The following RPS6KA3 variants were observed in gnomAD, a reference collection of about 807,000 sequenced individuals.
RPS6KA3 encodes ribosomal protein S6 kinase alpha-3.
Under a neutral mutation model 67.2 loss-of-function variants are expected in RPS6KA3, and 4 were observed. The observed-to-expected ratio is 0.06, with a 90% CI of 0.03 to 0.14. RPS6KA3 has a LOEUF of 0.14. Ranked by LOEUF, RPS6KA3 falls within the 10% of genes least tolerant of loss-of-function variation. RPS6KA3 has a pLI of 1.00. For missense variants in RPS6KA3, 204 were observed against 559.0 expected (o/e 0.36, Z 6.40); for synonymous variants, 182 against 183.7 (o/e 0.99, Z 0.07).
intron 4 of RPS6KA3, among the ~76,000 whole-genome samples, chrX:20,199,388 A>C (rs969592126): frequency 9.8e-5 from 11 of 111,835 alleles, no homozygotes; most frequent in Non-Finnish European, 1.9e-4. Context: ...ATAATTGAAA[A>C]ATGTTTTAAT....
chrX:20,248,663 CT>C (rs1208452421), intron 1 of RPS6KA3, among the ~76,000 whole-genome samples: 9 of 111,074 alleles, frequency 8.1e-5, no homozygotes, highest in African/African-American at 2.3e-4. Flanking sequence ...TTTGTATAAA[CT>C]TTTTTTCTTA....
At chrX:20,200,678 C>A (rs1435354352) in intron 4 of RPS6KA3, among the ~76,000 whole-genome samples, 1 of 111,196 alleles carries the variant, frequency 9.0e-6, no homozygotes, top group Non-Finnish European at 1.9e-5. Flanking sequence ...TAACGTTTCT[C>A]TATTTTTCCT....
At chrX:20,211,888 G>C (rs185180352) in intron 2 of RPS6KA3, among the ~76,000 whole-genome samples, 12 of 112,114 alleles carry the variant, frequency 1.1e-4, no homozygotes, top group African/African-American at 3.6e-4. Context: ...ATTTTGTAAT[G>C]TTATATATTT....
chrX:20,215,766 G>A (rs2068834757), intron 2 of RPS6KA3, among the ~76,000 whole-genome samples: 1 of 112,064 alleles, frequency 8.9e-6, no homozygotes, highest in East Asian at 2.8e-4. Context: ...GGAATCTAAT[G>A]AGATGGATGC....
chrX:20,263,226 G>A (rs1353822530), intron 1 of RPS6KA3, among the ~76,000 whole-genome samples: 1 of 111,484 alleles, frequency 9.0e-6, no homozygotes, highest in Non-Finnish European at 1.9e-5. Context: ...CTCTATTGCA[G>A]TGGAGAAAAA....
chrX:20,214,034 T>C (rs995259417), intron 2 of RPS6KA3, among the ~76,000 whole-genome samples: 1 of 112,055 alleles, frequency 8.9e-6, no homozygotes, highest in Non-Finnish European at 1.9e-5. Context: ...CATGCACTTT[T>C]CTATTTTTTC....
In RPS6KA3 at chrX:20,175,172, T is replaced by C. The variant is rs144961960; in HGVS notation, c.1219A>G (p.Ile407Val). The change falls in exon 14 of 22, where the codon ATT becomes GTT. Residue 407 changes from isoleucine to valine, a missense_variant. By Grantham distance (29) the Ile-to-Val change is conservative. Around this residue, in one of 4 missense-constraint regions of RPS6KA3, gnomAD observed 24 missense variants for 25.1 expected, o/e 0.96. Coordinates refer to ENST00000379565, the MANE Select transcript of RPS6KA3 (RefSeq NM_004586.3). ...QAMQTVGVHS[I>V]VQQLHRNSIQ... ...TTTAGACATCCACTCACCTGAACAATTGAATGTACACCAACTGTCTGCATA... is the reference window on the plus strand; with the variant it reads ...TTTAGACATCCACTCACCTGAACAACTGAATGTACACCAACTGTCTGCATA... 3.4e-5 allele frequency: 41 copies of C among 1,205,361 alleles called. No homozygotes were observed. The African/African-American group carries it at 4.2e-4, about 12-fold the overall frequency.
intron 1 of RPS6KA3, chrX:20,235,574 G>A (rs2069386148): frequency 9.0e-6 from 1 of 111,158 alleles, no homozygotes; most frequent in Non-Finnish European, 1.9e-5. Context: ...TCAAAGAAAT[G>A]CATTTAACCC....
chrX:20,164,654 G>A (rs1041797595), intron 18 of RPS6KA3, among the ~76,000 whole-genome samples: 1 of 110,663 alleles, frequency 9.0e-6, no homozygotes, highest in South Asian at 3.8e-4. Context: ...CAAAGTGCTC[G>A]GATTACAGGC....
chrX:20,260,813 T>C (rs956332370), intron 1 of RPS6KA3, among the ~76,000 whole-genome samples: 1 of 111,620 alleles, frequency 9.0e-6, no homozygotes, highest in Admixed American at 9.5e-5. Flanking sequence ...TTTTACAAAT[T>C]AGGATGTTGA....
At position 20,151,580 on chromosome X, in the gene RPS6KA3, A is replaced by G. The variant is rs944630240; in HGVS notation, c.*3818T>C. Reference sequence around the variant, plus strand: ...AGCCATGGAATCCATCATATTTGTTAATCTGAGAAAACAGACCTTTTCTGA... The same window carrying G: ...AGCCATGGAATCCATCATATTTGTTGATCTGAGAAAACAGACCTTTTCTGA... On this transcript the variant is annotated 3_prime_UTR_variant, in exon 22 of 22. Coordinates refer to ENST00000379565, the MANE Select transcript of RPS6KA3 (RefSeq NM_004586.3). 8.0e-5 allele frequency: 9 copies of G among 112,426 alleles called. No individual in the cohort carries two copies. Among genetic ancestry groups the G allele is most frequent in the African/African-American group, 2.9e-4 (9 of 30,850 alleles). 9.3% of individuals were successfully genotyped at this position (112,426 alleles called of 1,213,427 possible).
intron 7 of RPS6KA3, 50 bp from the exon 8 acceptor site, chrX:20,188,584 GAAGCT>G: frequency 1.5e-6 from 1 of 656,821 alleles, no homozygotes; most frequent in East Asian, 3.4e-5. Flanking sequence ...GAGATTTATA[GAAGCT>G]AAGACTGAAA....
At position 20,186,372 on chromosome X, in the gene RPS6KA3, G is replaced by A. The variant is rs780335873; in HGVS notation, c.775-6C>T. 4.5e-6 allele frequency: 5 copies of A among 1,118,644 alleles called. No individual in the cohort carries two copies. Among genetic ancestry groups the A allele is most frequent in the South Asian group, 3.7e-5 (2 of 54,712 alleles). 92.2% of individuals were successfully genotyped at this position (1,118,644 alleles called of 1,213,427 possible). The stretch of plus-strand genomic sequence containing the variant: ...GTACCAGTAAGCATTTCAAACTACA[G>A]AAAGGCAAAATAATCAGAAGTGTTA... On this transcript the variant is annotated splice_region_variant and splice_polypyrimidine_tract_variant and intron_variant, in intron 9 of 21. Transcript: ENST00000379565.
chrX:20,205,548 G>T (rs765837321), intron 3 of RPS6KA3, among the ~76,000 whole-genome samples: 18 of 112,198 alleles, frequency 1.6e-4, no homozygotes, highest in Admixed American at 2.8e-4. Context: ...TACAGGGTGT[G>T]TTGCTCTCCA....
chrX:20,178,501 T>TTTTTTTA (rs2067758535), intron 10 of RPS6KA3, among the ~76,000 whole-genome samples: 1 of 99,374 alleles, frequency 1.0e-5, no homozygotes, highest in African/African-American at 4.0e-5. Context: ...TTTTTTTTTT[T>TTTTTTTA]AAGACAGAGT....
At chrX:20,260,118 C>T (rs897561485) in intron 1 of RPS6KA3, among the ~76,000 whole-genome samples, 1 of 111,258 alleles carries the variant, frequency 9.0e-6, no homozygotes, top group Non-Finnish European at 1.9e-5. Flanking sequence ...ATTAACAGAA[C>T]GGATTCATCC....
Position 20,154,989 on chromosome X carries a change from C to T in RPS6KA3, c.*409G>A, listed in dbSNP as rs774119187. 4.9e-5 allele frequency: 11 copies of T among 223,507 alleles called. No homozygotes were observed. Among genetic ancestry groups the T allele is most frequent in the Admixed American group, 1.3e-4 (2 of 15,105 alleles). The allele number at this position is 223,507 out of a possible 1,213,427, so 18.4% of individuals were successfully genotyped here. A position where few individuals can be genotyped will look rare whatever the true frequency, so the allele number is the denominator to read the frequency against. On this transcript the variant is annotated 3_prime_UTR_variant, in exon 22 of 22. Transcript: ENST00000379565. ...ACAAGGGATACAGTGCTAATATAAACGGATTGTTTAAGCTAAGTGCTTAAC... is the reference window on the plus strand; with the variant it reads ...ACAAGGGATACAGTGCTAATATAAATGGATTGTTTAAGCTAAGTGCTTAAC...
In RPS6KA3 at chrX:20,179,066, T is replaced by A. The variant is rs2067778370; in HGVS notation, c.846-1982A>T. On this transcript the variant is annotated intron_variant, in intron 10 of 21. Transcript: ENST00000379565. Reference sequence around the variant, plus strand: ...CTGTTTTCTGAATACTTTAAGCAGTTTAATTCAGAGGAAAGGCTGGAACAG... The same window carrying A: ...CTGTTTTCTGAATACTTTAAGCAGTATAATTCAGAGGAAAGGCTGGAACAG... Among the ~76,000 whole-genome samples, 3 of 111,192 alleles carry A rather than the reference T, an allele frequency of 2.7e-5. No homozygotes were observed. In the Admixed American group the frequency reaches 2.9e-4, roughly 11 times the overall value.
intron 2 of RPS6KA3, among the ~76,000 whole-genome samples, chrX:20,213,423 G>GT (rs1466757110): frequency 2.7e-5 from 3 of 111,369 alleles, no homozygotes; most frequent in Non-Finnish European, 3.8e-5. Flanking sequence ...CTATTGTTTG[G>GT]TAATTATATT....
Sources: allele counts gnomAD v4.1 joint callset (sites outside exome capture counted in the v4.1 genomes callset), GRCh38; gene constraint gnomAD v4.1.1; regional missense constraint gnomAD v4.1.1; transcripts MANE v1.5; gene names NCBI Gene and HGNC (gene_info 2026-07-23, HGNC 2026-07-21).